The following ANKFN1 variants were observed in gnomAD, a reference collection of about 807,000 sequenced individuals.
The protein encoded by ANKFN1 is ankyrin repeat and fibronectin type-III domain-containing protein 1.
A neutral mutation model predicts 108.7 loss-of-function variants in ANKFN1; 74 were observed. That is an observed-to-expected ratio of 0.68 (90% confidence interval 0.56 to 0.83). The LOEUF is 0.83. Ranked by LOEUF, ANKFN1 falls within the 40% of genes least tolerant of loss-of-function variation. The probability of loss-of-function intolerance (pLI) is 0.00; values close to 1 mark genes in which losing one functional copy is unlikely to be tolerated. For missense variants in ANKFN1, 1,505 were observed against 1,382.3 expected (o/e 1.09, Z -1.41); for synonymous variants, 547 against 516.2 (o/e 1.06, Z -0.81).
chr17:56,128,136 C>G (rs1007553583), intron 4 of ANKFN1, among the ~76,000 whole-genome samples: 1 of 151,876 alleles, frequency 6.6e-6, no homozygotes, highest in African/African-American at 2.4e-5. Flanking sequence ...CCCAATACAT[C>G]GACAGGTTAA....
intron 11 of ANKFN1, among the ~76,000 whole-genome samples, chr17:56,449,872 C>T (rs899232092): frequency 7.9e-5 from 12 of 152,298 alleles, no homozygotes; most frequent in African/African-American, 2.6e-4. Flanking sequence ...TACCACTGCT[C>T]ACAGGAAAGT....
intron 10 of ANKFN1, among the ~76,000 whole-genome samples, chr17:56,445,881 A>T (rs1459902524): frequency 6.6e-6 from 1 of 152,154 alleles, no homozygotes; most frequent in Non-Finnish European, 1.5e-5. Flanking sequence ...ATTGTGTCAC[A>T]GTTGAAGTGT....
chr17:56,460,955 A>G (rs1005367195), intron 14 of ANKFN1, among the ~76,000 whole-genome samples: 3 of 152,170 alleles, frequency 2.0e-5, no homozygotes, highest in Admixed American at 6.5e-5. Flanking sequence ...TGATGCATAC[A>G]AAACTGCTCT....
Position 56,411,964 on chromosome 17 carries a change from T to A in ANKFN1, c.911-28363T>A, listed in dbSNP as rs1465094618. Among the ~76,000 whole-genome samples the A allele has an allele frequency of 3.3e-5, 5 of 152,186 alleles. No homozygotes were observed. The East Asian group carries it at 9.6e-4, about 29-fold the overall frequency. On this transcript the variant is annotated intron_variant, in intron 8 of 20. Transcript: ENST00000682825. ...CTGTAGATTTCTTTTCTTGTGTTAT[T>A]CCTTGGCTTTGGTATCAGGGTAATG...
chr17:56,491,285 T>C (rs1035269591), intron 18 of ANKFN1, among the ~76,000 whole-genome samples: 9 of 151,976 alleles, frequency 5.9e-5, no homozygotes, highest in African/African-American at 2.2e-4. Flanking sequence ...GTAAAAGAGG[T>C]TCTTGAAGAA....
At chr17:56,372,885 C>T (rs372503192) in intron 7 of ANKFN1, 45 bp downstream of exon 7, 4 of 1,549,720 alleles carry the variant, frequency 2.6e-6, no homozygotes, top group Non-Finnish European at 3.5e-6. Flanking sequence ...GACTGAGCCT[C>T]AGTTTGAGAC....
At chr17:56,070,801 C>T (rs1905112569) in intron 4 of ANKFN1, among the ~76,000 whole-genome samples, 1 of 151,162 alleles carries the variant, frequency 6.6e-6, no homozygotes, top group African/African-American at 2.4e-5. Context: ...GTGGCGCGAT[C>T]TCAGCTCACT....
intron 4 of ANKFN1, among the ~76,000 whole-genome samples, chr17:56,332,365 G>A (rs1417075088): frequency 6.6e-6 from 1 of 152,082 alleles, no homozygotes; most frequent in Non-Finnish European, 1.5e-5. Flanking sequence ...CATTCTCCAG[G>A]CCAATGTACT....
chr17:56,427,421 A>AT (rs895839710), intron 8 of ANKFN1, among the ~76,000 whole-genome samples: 284 of 149,602 alleles, frequency 1.9e-3, no homozygotes, highest in African/African-American at 5.9e-3. Flanking sequence ...ATTGCTGTTT[A>AT]TTTTTTTTTT....
intron 18 of ANKFN1, among the ~76,000 whole-genome samples, chr17:56,485,583 TG>T (rs2050828391): frequency 6.6e-6 from 1 of 152,164 alleles, no homozygotes; most frequent in Admixed American, 6.5e-5. Context: ...GGATTTTGAG[TG>T]GTAGAGTAAC....
At chr17:56,295,615 G>GGTGT (rs150224568) in intron 3 of ANKFN1, among the ~76,000 whole-genome samples, 7 of 151,556 alleles carry the variant, frequency 4.6e-5, no homozygotes, top group Non-Finnish European at 1.0e-4. Flanking sequence ...GTGTGTGGGC[G>GGTGT]GTGTGTGTGT....
chr17:56,108,616 C>T (rs1260061035), intron 4 of ANKFN1, among the ~76,000 whole-genome samples: 3 of 152,242 alleles, frequency 2.0e-5, no homozygotes, highest in South Asian at 2.1e-4. Flanking sequence ...CAATATATAA[C>T]GCAGCTAGTA....
chr17:56,277,317 A>G (rs1233991655), intron 3 of ANKFN1, among the ~76,000 whole-genome samples: 1 of 152,222 alleles, frequency 6.6e-6, no homozygotes, highest in African/African-American at 2.4e-5. Context: ...TTACAATTCC[A>G]AATTCTACAT....
chr17:56,381,657 G>T (rs543435902), intron 8 of ANKFN1, among the ~76,000 whole-genome samples: 1 of 152,030 alleles, frequency 6.6e-6, no homozygotes, highest in African/African-American at 2.4e-5. Context: ...CTCAGGAGCC[G>T]ATGCAATCAA....
intron 3 of ANKFN1, among the ~76,000 whole-genome samples, chr17:56,324,722 C>T (rs548902384): frequency 6.6e-6 from 1 of 152,306 alleles, no homozygotes; most frequent in Non-Finnish European, 1.5e-5. Flanking sequence ...TTAGATTATT[C>T]ATAGCAACAC....
intron 8 of ANKFN1, among the ~76,000 whole-genome samples, chr17:56,419,653 C>T (rs1398668221): frequency 6.6e-6 from 1 of 151,612 alleles, no homozygotes; most frequent in Non-Finnish European, 1.5e-5. Context: ...ACAAAAAAAT[C>T]AGCCAGCCAT....
rs147106400 is a variant in ANKFN1 at position 56,480,225 on chromosome 17, C to T, written c.1941-443C>T. ...AATATCCCCCATGATTACAACAGGC[C>T]AGGGTTGAAATGTGCCAAGTGGTTT... On this transcript the variant is annotated intron_variant, in intron 16 of 20. Transcript: ENST00000682825. Among the ~76,000 whole-genome samples, 9 of 152,220 alleles carry T rather than the reference C, an allele frequency of 5.9e-5. No homozygotes were observed. In the East Asian group the frequency reaches 1.5e-3, roughly 26 times the overall value.
At chr17:56,417,475 C>G (rs929821076) in intron 8 of ANKFN1, among the ~76,000 whole-genome samples, 12 of 152,174 alleles carry the variant, frequency 7.9e-5, no homozygotes, top group African/African-American at 2.7e-4. Flanking sequence ...GAGTCAAGCC[C>G]TGCAGCAGGG....
chr17:56,257,024 A>T (rs1180547086), intron 3 of ANKFN1, among the ~76,000 whole-genome samples: 1 of 152,242 alleles, frequency 6.6e-6, no homozygotes, highest in Non-Finnish European at 1.5e-5. Context: ...TGGTGACCTT[A>T]GTGAAGTCAC....
Sources: allele counts gnomAD v4.1 joint callset (sites outside exome capture counted in the v4.1 genomes callset), GRCh38; gene constraint gnomAD v4.1.1; transcripts MANE v1.5; gene names NCBI Gene and HGNC (gene_info 2026-07-23, HGNC 2026-07-21).